PPP2R2B: variants seen among roughly 807,000 people sequenced by gnomAD.
PPP2R2B encodes the protein serine/threonine-protein phosphatase 2A 55 kDa regulatory subunit B beta isoform.
A neutral mutation model predicts 46.0 loss-of-function variants in PPP2R2B; 5 were observed. The ratio of observed to expected loss-of-function variants is 0.11; its 90% confidence interval spans 0.06 to 0.23. The LOEUF (loss-of-function observed/expected upper bound fraction) is 0.23, where lower values mean the gene tolerates loss of function less well. Among genes scored for constraint, PPP2R2B ranks in the 10% least tolerant of loss-of-function variants. The pLI is 1.00. For missense variants in PPP2R2B, 367 were observed against 575.0 expected, an observed-to-expected ratio of 0.64 and a Z score of 3.70; for synonymous variants, 215 against 206.7, an observed-to-expected ratio of 1.04 and a Z score of -0.34.
rs1454098446 is a variant in PPP2R2B at position 146,587,476 on chromosome 5, G to A, written c.*2471C>T. 6.6e-6 allele frequency: 1 copy of A among 152,170 alleles called. No individual in the cohort carries two copies. The highest frequency in any genetic ancestry group is 1.5e-5 in the Non-Finnish European group (1 of 68,038). 9.4% of individuals were successfully genotyped at this position (152,170 alleles called of 1,614,324 possible). On this transcript the variant is annotated 3_prime_UTR_variant, in exon 10 of 10. Transcript: ENST00000394411. ...TGCTAAGGGTGTTGGACTAGTGTAG[G>A]GGCTTTTATTTGGAGTTCGCAGATA...
intron 1 of PPP2R2B, among the ~76,000 whole-genome samples, chr5:146,907,585 C>A (rs1206780069): frequency 6.6e-6 from 1 of 152,250 alleles, no homozygotes; most frequent in Non-Finnish European, 1.5e-5. Context: ...CCCCCTGAGG[C>A]CAACCCATCA....
intron 2 of PPP2R2B, among the ~76,000 whole-genome samples, chr5:147,080,855 C>A (rs1189359923): frequency 6.6e-6 from 1 of 151,858 alleles, no homozygotes; most frequent in Non-Finnish European, 1.5e-5. Context: ...CATTTCAGTG[C>A]CGCTCATTGG....
chr5:146,682,319 C>T (rs750677277), intron 5 of PPP2R2B, among the ~76,000 whole-genome samples: 4 of 152,056 alleles, frequency 2.6e-5, no homozygotes, highest in Non-Finnish European at 4.4e-5. Context: ...TCATGCTTTC[C>T]TGAAACTCCT....
At chr5:146,601,513 C>G (rs1771787138) in intron 7 of PPP2R2B, among the ~76,000 whole-genome samples, 2 of 152,016 alleles carry the variant, frequency 1.3e-5, no homozygotes, top group Middle Eastern at 6.8e-3. Context: ...GCCACTGCAC[C>G]CCAGCCTGGG....
chr5:146,932,736 G>A (rs185870385), intron 1 of PPP2R2B, among the ~76,000 whole-genome samples: 2 of 152,264 alleles, frequency 1.3e-5, no homozygotes, highest in Non-Finnish European at 2.9e-5. Flanking sequence ...TGGCCCAGGT[G>A]GCTGAATCTT....
intron 6 of PPP2R2B, among the ~76,000 whole-genome samples, chr5:146,647,854 C>T (rs1287319637): frequency 1.3e-5 from 2 of 152,188 alleles, no homozygotes. Context: ...AGCTGCACTG[C>T]CAGGCAAAAT....
intron 3 of PPP2R2B, among the ~76,000 whole-genome samples, chr5:146,698,552 C>T (rs113783234): frequency 2.2e-4 from 33 of 151,832 alleles, no homozygotes; most frequent in Middle Eastern, 3.4e-3. Context: ...ATACTTACAT[C>T]GACCCCTTAA....
chr5:146,715,007 A>G (rs1292081317), intron 2 of PPP2R2B, among the ~76,000 whole-genome samples: 1 of 152,186 alleles, frequency 6.6e-6, no homozygotes, highest in Non-Finnish European at 1.5e-5. Flanking sequence ...AGTGATGAGA[A>G]ATCTACTACA....
At chr5:146,892,869 A>G (rs1405327764) in intron 1 of PPP2R2B, among the ~76,000 whole-genome samples, 1 of 152,206 alleles carries the variant, frequency 6.6e-6, no homozygotes, top group Admixed American at 6.5e-5. Flanking sequence ...TTTACATTTT[A>G]TACAATACCT....
intron 2 of PPP2R2B, among the ~76,000 whole-genome samples, chr5:147,068,804 G>T (rs1757488589): frequency 6.6e-6 from 1 of 152,146 alleles, no homozygotes; most frequent in African/African-American, 2.4e-5. Context: ...AATCATTACT[G>T]CTTGAATATC....
intron 1 of PPP2R2B, among the ~76,000 whole-genome samples, chr5:146,941,584 ATTACT>A (rs769717320): frequency 2.0e-5 from 3 of 152,144 alleles, no homozygotes; most frequent in Non-Finnish European, 4.4e-5. Context: ...GGTTGGTGCA[ATTACT>A]TTTGTGCCCA....
chr5:146,858,474 T>C (rs745371877), intron 2 of PPP2R2B, among the ~76,000 whole-genome samples: 4 of 152,152 alleles, frequency 2.6e-5, no homozygotes, highest in Non-Finnish European at 5.9e-5. Flanking sequence ...TAACTTTACA[T>C]AGGGGCAACT....
At chr5:147,045,437 A>C (rs1468039206) in intron 1 of PPP2R2B, among the ~76,000 whole-genome samples, 1 of 152,152 alleles carries the variant, frequency 6.6e-6, no homozygotes, top group Non-Finnish European at 1.5e-5. Flanking sequence ...AGGCTATACC[A>C]TATAGCCTGG....
At chr5:146,622,002 A>G (rs548580584) in intron 7 of PPP2R2B, among the ~76,000 whole-genome samples, 2 of 152,282 alleles carry the variant, frequency 1.3e-5, no homozygotes, top group African/African-American at 2.4e-5. Context: ...ACAGACCCCA[A>G]GGCCTGGGCA....
intron 2 of PPP2R2B, among the ~76,000 whole-genome samples, chr5:146,713,889 G>A (rs188967493): frequency 1.1e-4 from 16 of 152,218 alleles, no homozygotes; most frequent in African/African-American, 3.6e-4. Flanking sequence ...CAGATGTTGA[G>A]GAGATAACTG....
At chr5:146,740,367 C>T (rs879004142) in intron 2 of PPP2R2B, among the ~76,000 whole-genome samples, 1 of 152,096 alleles carries the variant, frequency 6.6e-6, no homozygotes, top group Non-Finnish European at 1.5e-5. Context: ...TTAACCCAGT[C>T]TTTAAAGAAG....
intron 1 of PPP2R2B, among the ~76,000 whole-genome samples, chr5:146,989,603 C>T (rs1753597292): frequency 6.6e-6 from 1 of 151,940 alleles, no homozygotes; most frequent in African/African-American, 2.4e-5. Context: ...TACCTCGATA[C>T]AATAAAGGCC....
intron 6 of PPP2R2B, among the ~76,000 whole-genome samples, chr5:146,649,953 A>G (rs1775846101): frequency 6.6e-6 from 1 of 152,238 alleles, no homozygotes; most frequent in African/African-American, 2.4e-5. Flanking sequence ...CTGTATAATT[A>G]TAATATGTAT....
At chr5:146,769,081 T>A (rs1754678774) in intron 2 of PPP2R2B, among the ~76,000 whole-genome samples, 1 of 152,186 alleles carries the variant, frequency 6.6e-6, no homozygotes, top group Admixed American at 6.5e-5. Context: ...TTTTGCCATG[T>A]TGGCCAGGCT....
Sources: gnomAD v4.1 joint callset for allele counts (sites outside exome capture counted in the v4.1 genomes callset) on GRCh38, gnomAD v4.1.1 for gene constraint, MANE v1.5 for transcripts, NCBI Gene and HGNC (gene_info 2026-07-23, HGNC 2026-07-21) for gene names.